Variants in DUSP1 observed in about 807,000 individuals in gnomAD.
DUSP1 encodes the protein dual specificity phosphatase 1, also known as dual specificity protein phosphatase 1.
In DUSP1, 10 loss-of-function variants were observed where a neutral mutation model predicts 27.4. That is an observed-to-expected ratio of 0.37 (90% CI 0.23 to 0.62). The LOEUF is 0.62. Among genes scored for constraint, DUSP1 ranks in the 20% least tolerant of loss-of-function variants. The pLI is 0.68. For synonymous variants in DUSP1, 262 were observed against 223.6 expected (o/e 1.17, Z -1.53); for missense variants, 425 against 508.1 (o/e 0.84, Z 1.57).
Position 172,769,104 on chromosome 5 carries a change from C to T in DUSP1, c.762G>A (p.Val254=), listed in dbSNP as rs746219697. The T allele has an allele frequency of 5.6e-6, 9 of 1,611,704 alleles. No homozygotes were observed. Among genetic ancestry groups the T allele is most frequent in the Non-Finnish European group, 7.6e-6 (9 of 1,179,820 alleles). The change falls in exon 4 of 4, where the codon GTG becomes GTA. Residue 254 remains valine (V), a synonymous_variant. Transcript: ENST00000239223. ...AAATGCCTGCCTGGCAGTGGACAAA[C>T]ACCCTTCCTCCAGCATTCTTGATGG... is the stretch of plus-strand genomic sequence containing the variant. ...IDSIKNAGGR[V]FVHCQAGISR...
chr5:172,770,995 C>CT lies in DUSP1; in HGVS notation c.-44dup, dbSNP rs1759886652. On this transcript the variant is annotated 5_prime_UTR_variant, in exon 1 of 4. Transcript: ENST00000239223. ...CCAGCGTGATCGGCCCTGCGGTGCT[C>CT]TTTGTCTGTTCTCGGGGCCAAGGGC... is the stretch of plus-strand genomic sequence containing the variant. 7.4e-7 allele frequency: 1 copy of CT among 1,359,738 alleles called. No individual in the cohort carries two copies. Among genetic ancestry groups the CT allele is most frequent in the Non-Finnish European group, 9.5e-7 (1 of 1,053,944 alleles). The allele number at this position is 1,359,738 out of a possible 1,614,324, so 84.2% of individuals were successfully genotyped here.
chr5:172,768,240 A>C lies in DUSP1; in HGVS notation c.*522T>G, dbSNP rs1759821257. 1 of 152,520 alleles carries C rather than the reference A, an allele frequency of 6.6e-6. No individual in the cohort carries two copies. Among genetic ancestry groups the C allele is most frequent in the African/African-American group, 2.4e-5 (1 of 41,408 alleles). 9.4% of individuals were successfully genotyped at this position (152,520 alleles called of 1,614,324 possible). A position where few individuals can be genotyped will look rare whatever the true frequency, so the allele number is the denominator to read the frequency against. ...ACTGTTGGCAACTAAAAAAAAACCC[A>C]ACACTGGTATTTTCCATCAGTGCTG... On this transcript the variant is annotated 3_prime_UTR_variant, in exon 4 of 4. Transcript: ENST00000239223.
chr5:172,768,854 C>CGGTGGT lies in DUSP1; in HGVS notation c.1006_1011dup (p.Thr336_Thr337dup). On this transcript the variant is annotated inframe_insertion, in exon 4 of 4. Transcript: ENST00000239223. ...GGGATGGAGACGGGGAAGTTGAACA[C>CGGTGGT]GGTGGTGGTGGAGGTGCCTCGGTCG... The CGGTGGT allele has an allele frequency of 9.3e-6, 15 of 1,605,266 alleles. No homozygotes were observed. Among genetic ancestry groups the CGGTGGT allele is most frequent in the Non-Finnish European group, 1.2e-5 (14 of 1,174,912 alleles).
chr5:172,770,422 CTT>C (rs201334870), intron 1 of DUSP1, 116 bp from the exon 2 acceptor site: 1 of 1,553,824 alleles, frequency 6.4e-7, no homozygotes, highest in Non-Finnish European at 8.6e-7. Flanking sequence ...CCAGGCAAGT[CTT>C]TGTTTCCAGA....
Position 172,768,443 on chromosome 5 carries a change from T to C in DUSP1, c.*319A>G, listed in dbSNP as rs1581471968. On this transcript the variant is annotated 3_prime_UTR_variant, in exon 4 of 4. Coordinates refer to ENST00000239223, the MANE Select transcript of DUSP1 (RefSeq NM_004417.4). ...TCGTCGGGAATAATACTGGTAGGTA[T>C]GTCAAGCATGAAGAGATTCTACAAA... 4.1e-6 allele frequency: 1 copy of C among 245,954 alleles called. No individual in the cohort carries two copies. The highest frequency in any genetic ancestry group is 7.8e-6 in the Non-Finnish European group (1 of 128,846). The allele number at this position is 245,954 out of a possible 1,614,324, so 15.2% of individuals were successfully genotyped here.
rs1484622386 is a variant in DUSP1, at chr5:172,770,758, G to C, written c.195C>G (p.Ile65Met). ...GGCCGCGGAGCTCGGCGTTGGGCACGATGTGCTCCAGGCCCATGGCGCCCT... is the reference window on the plus strand; with the variant it reads ...GGCCGCGGAGCTCGGCGTTGGGCACCATGTGCTCCAGGCCCATGGCGCCCT... Reference protein sequence around the residue: ...RAKGAMGLEHIVPNAELRGRL... With the variant: ...RAKGAMGLEHMVPNAELRGRL... Residue 65 changes from isoleucine to methionine, a missense_variant, in exon 1 of 4, where the codon ATC (isoleucine) becomes ATG (methionine). Physicochemically the swap from Ile to Met is conservative, Grantham distance 10 (BLOSUM62 1). Coordinates refer to ENST00000239223, the MANE Select transcript of DUSP1 (RefSeq NM_004417.4). The C allele has an allele frequency of 6.8e-7, 1 of 1,460,664 alleles. No homozygotes were observed. The highest frequency in any genetic ancestry group is 9.0e-7 in the Non-Finnish European group (1 of 1,109,958). The allele number at this position is 1,460,664 out of a possible 1,614,324, so 90.5% of individuals were successfully genotyped here.
At position 172,768,807 on chromosome 5, in the gene DUSP1, C is replaced by A. The variant is rs188553172; in HGVS notation, c.1059G>T (p.Ala353=). 3 of 1,553,916 alleles carry A rather than the reference C, an allele frequency of 1.9e-6. No homozygotes were observed. Among genetic ancestry groups the A allele is most frequent in the Non-Finnish European group, 2.6e-6 (3 of 1,148,202 alleles). The part of the protein sequence containing the change: ...VSIPVHSTNS[A]LSYLQSPITT... ...TAATGGGGCTCTGAAGGTAGCTCAG[C>A]GCACTGTTCGTGGAGTGGACAGGGA... Residue 353 remains alanine (A), a synonymous_variant, in exon 4 of 4, where the codon GCG becomes GCT. Transcript: ENST00000239223.
In DUSP1 at chr5:172,770,992, G is replaced by A. The variant is rs775034077; in HGVS notation, c.-40C>T. On this transcript the variant is annotated 5_prime_UTR_variant, in exon 1 of 4. Transcript: ENST00000239223. Reference sequence around the variant, plus strand: ...CCCCCAGCGTGATCGGCCCTGCGGTGCTCTTTGTCTGTTCTCGGGGCCAAG... The same window carrying A: ...CCCCCAGCGTGATCGGCCCTGCGGTACTCTTTGTCTGTTCTCGGGGCCAAG... 2.2e-6 allele frequency: 3 copies of A among 1,361,896 alleles called. No homozygotes were observed. Among genetic ancestry groups the A allele is most frequent in the Admixed American group, 6.6e-5 (2 of 30,202 alleles). The allele number at this position is 1,361,896 out of a possible 1,614,324, so 84.4% of individuals were successfully genotyped here. A position where few individuals can be genotyped will look rare whatever the true frequency, so the allele number is the denominator to read the frequency against.
In DUSP1 at chr5:172,770,885, T is replaced by G. The variant is rs1404818699; in HGVS notation, c.68A>C (p.Gln23Pro). The change falls in exon 1 of 4, where the codon CAA becomes CCA. Residue 23 changes from glutamine to proline, a missense_variant. Physicochemically the swap from Gln to Pro is moderately conservative, Grantham distance 76. This residue lies in a region of DUSP1 where 282 missense variants were observed against 319.3 expected (regional missense o/e 0.88). Transcript: ENST00000239223. ...GGAGCGGCAGTCCAGCAGCAGGCAT[T>G]GCGCCGCTCGCTCCCCCAGCAGCGC... ...LRALLGERAA[Q>P]CLLLDCRSFF... 6.5e-7 allele frequency: 1 copy of G among 1,532,734 alleles called. No individual in the cohort carries two copies. 94.9% of individuals were successfully genotyped at this position (1,532,734 alleles called of 1,614,324 possible).
At chr5:172,770,057 G>T in intron 2 of DUSP1, 104 bp downstream of exon 2, 1 of 1,462,948 alleles carries the variant, frequency 6.8e-7, no homozygotes, top group Non-Finnish European at 9.1e-7. Context: ...TGTCCCCTCC[G>T]TTATAAATAA....
chr5:172,769,227 G>T (rs1435996922), intron 3 of DUSP1, 95 bp from the exon 4 acceptor site: 1 of 1,496,860 alleles, frequency 6.7e-7, no homozygotes, highest in Admixed American at 2.2e-5. Context: ...TGTGTGTCTT[G>T]TCTAGAAATG....
chr5:172,770,480 C>T, intron 1 of DUSP1, 106 bp downstream of exon 1: 1 of 1,488,454 alleles, frequency 6.7e-7, no homozygotes, highest in Non-Finnish European at 8.8e-7. Flanking sequence ...TGTACTCCAG[C>T]GCCCACGCGC....
chr5:172,770,406 A>G, intron 1 of DUSP1, 100 bp from the exon 2 acceptor site: 2 of 1,578,066 alleles, frequency 1.3e-6, no homozygotes, highest in Non-Finnish European at 1.7e-6. Flanking sequence ...TTTACATCGG[A>G]AAGGCCCAGG....
rs1378924478 is a variant in DUSP1, at chr5:172,771,127, C to A, written c.-175G>T. The A allele has an allele frequency of 6.6e-6, 6 of 902,612 alleles. No individual in the cohort carries two copies. The highest frequency in any genetic ancestry group is 6.0e-6 in the Non-Finnish European group (4 of 671,180). 55.9% of individuals were successfully genotyped at this position (902,612 alleles called of 1,614,324 possible). A position where few individuals can be genotyped will look rare whatever the true frequency, so the allele number is the denominator to read the frequency against. ...GCGTCACGCGGGGCTCCGGGCTCCT[C>A]GGCTTCTTCGCGGTTCCCCCGACTG... is the stretch of plus-strand genomic sequence containing the variant. On this transcript the variant is annotated 5_prime_UTR_variant, in exon 1 of 4. Transcript: ENST00000239223.
At position 172,769,538 on chromosome 5, in the gene DUSP1, G is replaced by A; in HGVS notation, c.733+37C>T. On this transcript the variant is annotated intron_variant, in intron 3 of 3. Coordinates refer to ENST00000239223, the MANE Select transcript of DUSP1 (RefSeq NM_004417.4). ...GGGCTTAGTGGCTAAAATGAGAAGA[G>A]AAAGGCAGAAAAGCCCCAGGCATCC... 4 of 1,610,642 alleles carry A rather than the reference G, an allele frequency of 2.5e-6. No homozygotes were observed. The South Asian group carries it at 4.4e-5, about 18-fold the overall frequency.
chr5:172,770,980 C>T lies in DUSP1; in HGVS notation c.-28G>A, dbSNP rs749659440. The T allele has an allele frequency of 3.9e-5, 55 of 1,393,832 alleles. No homozygotes were observed. The highest frequency in any genetic ancestry group is 4.9e-5 in the Non-Finnish European group (52 of 1,072,102). The allele number at this position is 1,393,832 out of a possible 1,614,324, so 86.3% of individuals were successfully genotyped here. On this transcript the variant is annotated 5_prime_UTR_variant, in exon 1 of 4. Transcript: ENST00000239223. ...CCGGCCTCAGCGCCCCCAGCGTGAT[C>T]GGCCCTGCGGTGCTCTTTGTCTGTT...
At chr5:172,769,239 T>TC in intron 3 of DUSP1, 107 bp from the exon 4 acceptor site, 2 of 1,471,296 alleles carry the variant, frequency 1.4e-6, no homozygotes, top group Non-Finnish European at 1.8e-6. Flanking sequence ...CTAGAAATGG[T>TC]CAACATCACC....
chr5:172,768,840 G>A lies in DUSP1; in HGVS notation c.1026C>T (p.Pro342=), dbSNP rs773838496. ...GTSTTTVFNF[P]VSIPVHSTNS... Reference sequence around the variant, plus strand: ...TCGTGGAGTGGACAGGGATGGAGACGGGGAAGTTGAACACGGTGGTGGTGG... The same window carrying A: ...TCGTGGAGTGGACAGGGATGGAGACAGGGAAGTTGAACACGGTGGTGGTGG... Residue 342 remains proline (P), a synonymous_variant, in exon 4 of 4, where the codon CCC becomes CCT. Coordinates refer to ENST00000239223, the MANE Select transcript of DUSP1 (RefSeq NM_004417.4). The A allele has an allele frequency of 1.6e-5, 25 of 1,597,958 alleles. No individual in the cohort carries two copies. In the Admixed American group the frequency reaches 1.9e-4, roughly 12 times the overall value.
rs1759885742 is a variant in DUSP1 at position 172,770,974 on chromosome 5, C to G, written c.-22G>C. 3 of 1,457,368 alleles carry G rather than the reference C, an allele frequency of 2.1e-6. No homozygotes were observed. In the South Asian group the frequency reaches 4.1e-5, roughly 20 times the overall value. 90.3% of individuals were successfully genotyped at this position (1,457,368 alleles called of 1,614,324 possible). A position where few individuals can be genotyped will look rare whatever the true frequency, so the allele number is the denominator to read the frequency against. The stretch of plus-strand genomic sequence containing the variant: ...CCATGGCCGGCCTCAGCGCCCCCAG[C>G]GTGATCGGCCCTGCGGTGCTCTTTG... On this transcript the variant is annotated 5_prime_UTR_variant, in exon 1 of 4. Coordinates refer to ENST00000239223, the MANE Select transcript of DUSP1 (RefSeq NM_004417.4).
Sources: gnomAD v4.1 joint callset for allele counts on GRCh38, gnomAD v4.1.1 for gene constraint, gnomAD v4.1.1 regional missense constraint, MANE v1.5 for transcripts, NCBI Gene and HGNC (gene_info 2026-07-23, HGNC 2026-07-21) for gene names.